Variants in FANCC observed in about 807,000 individuals in gnomAD.
FANCC encodes Fanconi anemia group C protein.
A neutral mutation model predicts 71.3 loss-of-function variants in FANCC; 55 were observed. The ratio of observed to expected loss-of-function variants is 0.77; its 90% CI spans 0.62 to 0.97. The LOEUF is 0.97. Among genes scored for constraint, FANCC ranks in the 50% least tolerant of loss-of-function variants. FANCC has a pLI of 0.00. For missense variants in FANCC, 678 were observed against 670.9 expected (o/e 1.01, Z -0.12); for synonymous variants, 275 against 244.9 (o/e 1.12, Z -1.15).
At chr9:95,216,722 C>G (rs1403519699) in intron 4 of FANCC, among the ~76,000 whole-genome samples, 1 of 152,174 alleles carries the variant, frequency 6.6e-6, no homozygotes, top group Non-Finnish European at 1.5e-5. Flanking sequence ...CACAAACCCA[C>G]ATGTGCACAG....
chr9:95,139,980 GT>G (rs1468266038), intron 7 of FANCC, among the ~76,000 whole-genome samples: 5 of 151,680 alleles, frequency 3.3e-5, no homozygotes, highest in Non-Finnish European at 7.4e-5. Context: ...CGCTAAGGTT[GT>G]CCTTTTTCTT....
intron 1 of FANCC, among the ~76,000 whole-genome samples, chr9:95,281,351 C>A (rs531767705): frequency 2.4e-4 from 37 of 151,972 alleles, no homozygotes; most frequent in African/African-American, 8.9e-4. Flanking sequence ...AACAAGAGAC[C>A]TCTAAGCAGA....
chr9:95,107,640 C>T (rs1226514876), intron 13 of FANCC: 6 of 394,686 alleles, frequency 1.5e-5, no homozygotes, highest in Middle Eastern at 7.6e-4. Context: ...CAATTAAAGC[C>T]CCACGCAGTC....
chr9:95,278,241 G>C (rs1047053747), intron 1 of FANCC, among the ~76,000 whole-genome samples: 4 of 152,164 alleles, frequency 2.6e-5, no homozygotes, highest in African/African-American at 9.7e-5. Context: ...AAAAAAGGAA[G>C]AGAAGGGAAT....
chr9:95,235,632 G>A (rs1342396736), intron 4 of FANCC, among the ~76,000 whole-genome samples: 1 of 152,082 alleles, frequency 6.6e-6, no homozygotes, highest in Non-Finnish European at 1.5e-5. Context: ...ATCACGTGAG[G>A]TCGGGAGTTT....
At chr9:95,279,225 T>C (rs1224951829) in intron 1 of FANCC, among the ~76,000 whole-genome samples, 1 of 151,054 alleles carries the variant, frequency 6.6e-6, no homozygotes, top group East Asian at 1.9e-4. Flanking sequence ...GGCTGAACCA[T>C]GAGAATAGTT....
chr9:95,136,965 C>A (rs1827792277), intron 7 of FANCC, among the ~76,000 whole-genome samples: 1 of 152,184 alleles, frequency 6.6e-6, no homozygotes, highest in African/African-American at 2.4e-5. Context: ...AGCCACCTGC[C>A]CTTTACCTGC....
chr9:95,279,903 G>A (rs906527207), intron 1 of FANCC, among the ~76,000 whole-genome samples: 3 of 143,070 alleles, frequency 2.1e-5, no homozygotes, highest in Admixed American at 7.2e-5. Flanking sequence ...AGCAGAGATC[G>A]TGCCATTGCA....
At chr9:95,141,626 C>T (rs915257480) in intron 7 of FANCC, among the ~76,000 whole-genome samples, 3 of 152,112 alleles carry the variant, frequency 2.0e-5, no homozygotes. Flanking sequence ...ATGGCTACAG[C>T]GATGCTGAGG....
Position 95,107,174 on chromosome 9 carries a change from T to C in FANCC, c.1425A>G (p.Thr475=), listed in dbSNP as rs199739450. The C allele has an allele frequency of 5.5e-5, 88 of 1,614,220 alleles. No homozygotes were observed. In the Admixed American group the frequency reaches 1.4e-3, roughly 25 times the overall value. ...GTGCAGGAGCTCTGAGGTCTGTGTC[T>C]GTGCCCTGTCCTGCTACCGTCTGCA... The part of the protein sequence containing the change: ...QDLQTVAGQG[T]DTDLRAPAQQ... Residue 475 remains threonine, a synonymous_variant, in exon 14 of 15, where the codon ACA becomes ACG. Coordinates refer to ENST00000289081, the MANE Select transcript of FANCC (RefSeq NM_000136.3).
chr9:95,298,482 CAG>C (rs1052420123), intron 1 of FANCC, among the ~76,000 whole-genome samples: 5 of 152,108 alleles, frequency 3.3e-5, no homozygotes, highest in African/African-American at 1.2e-4. Flanking sequence ...GAAACATCAA[CAG>C]AGAGACAGTA....
intron 1 of FANCC, among the ~76,000 whole-genome samples, chr9:95,251,214 A>C (rs1831310322): frequency 2.0e-5 from 3 of 152,208 alleles, no homozygotes; most frequent in African/African-American, 4.8e-5. Context: ...AAAAATACTG[A>C]ATTAAGGAAT....
At chr9:95,264,660 C>T (rs571302931) in intron 1 of FANCC, among the ~76,000 whole-genome samples, 2 of 151,876 alleles carry the variant, frequency 1.3e-5, no homozygotes, top group African/African-American at 2.4e-5. Flanking sequence ...GAAATAAGCA[C>T]CAAACAGGAG....
intron 4 of FANCC, among the ~76,000 whole-genome samples, chr9:95,213,734 G>A (rs1828659248): frequency 6.6e-6 from 1 of 152,126 alleles, no homozygotes; most frequent in Non-Finnish European, 1.5e-5. Context: ...AAAGCTTTAT[G>A]ACAACAGATT....
intron 4 of FANCC, among the ~76,000 whole-genome samples, chr9:95,206,707 AG>A (rs1368861069): frequency 6.6e-6 from 1 of 152,236 alleles, no homozygotes; most frequent in Admixed American, 6.5e-5. Context: ...ACATGCACCA[AG>A]GGAACAATAA....
At chr9:95,260,952 CTTCCAGTCCTCAAATAATGACTCCATTT>C (rs1313154499) in intron 1 of FANCC, among the ~76,000 whole-genome samples, 1 of 152,130 alleles carries the variant, frequency 6.6e-6, no homozygotes, top group African/African-American at 2.4e-5. Context: ...CCTCCTTTTC[CTTCCAGTCCTCAAATAATGACTCCATTT>C]TTCCAGTCCT....
intron 1 of FANCC, among the ~76,000 whole-genome samples, chr9:95,308,130 T>C (rs1457599816): frequency 6.6e-6 from 1 of 152,248 alleles, no homozygotes; most frequent in Non-Finnish European, 1.5e-5. Context: ...TAACCAAAGG[T>C]GGTTCTGATC....
intron 14 of FANCC, 60 bp from the exon 15 acceptor site, chr9:95,101,910 G>A: frequency 1.2e-6 from 2 of 1,601,368 alleles, no homozygotes; most frequent in South Asian, 1.1e-5. Context: ...TTTGTCCTTT[G>A]TCCAGGGACG....
At chr9:95,314,486 T>C (rs948228499) in intron 1 of FANCC, among the ~76,000 whole-genome samples, 10 of 152,054 alleles carry the variant, frequency 6.6e-5, no homozygotes, top group African/African-American at 2.4e-4. Context: ...ACCCCGTCTC[T>C]ACTAAAAATA....
Sources: gnomAD v4.1 joint callset for allele counts (sites outside exome capture counted in the v4.1 genomes callset) on GRCh38, gnomAD v4.1.1 for gene constraint, MANE v1.5 for transcripts, NCBI Gene and HGNC (gene_info 2026-07-23, HGNC 2026-07-21) for gene names.